Variants in ULK4 observed in about 807,000 individuals in gnomAD.
ULK4 encodes inactive serine/threonine-protein kinase ULK4.
ULK4 carries 133 observed loss-of-function variants against 160.6 expected under a neutral mutation model. The ratio of observed to expected loss-of-function variants is 0.83; its 90% CI spans 0.72 to 0.96. The LOEUF (loss-of-function observed/expected upper bound fraction) is 0.96. Ranked by LOEUF, ULK4 falls within the 40% of genes least tolerant of loss-of-function variation. ULK4 has a pLI of 0.00. For missense variants in ULK4, 1,580 were observed against 1,499.5 expected, an observed-to-expected ratio of 1.05 and a Z score of -0.89; for synonymous variants, 534 against 539.8, an observed-to-expected ratio of 0.99 and a Z score of 0.15.
chr3:41,439,805 T>A (rs1173139143), intron 34 of ULK4, among the ~76,000 whole-genome samples: 1 of 152,182 alleles, frequency 6.6e-6, no homozygotes, highest in Non-Finnish European at 1.5e-5. Flanking sequence ...AGTTTACACA[T>A]CAATTTTGGG....
chr3:41,797,268 TG>T (rs2040328132), intron 20 of ULK4, among the ~76,000 whole-genome samples: 1 of 152,082 alleles, frequency 6.6e-6, no homozygotes, highest in Admixed American at 6.6e-5. Context: ...AGACTGTATA[TG>T]AGCTACAAAA....
intron 32 of ULK4, among the ~76,000 whole-genome samples, chr3:41,560,667 C>A (rs183818551): frequency 6.6e-6 from 1 of 152,234 alleles, no homozygotes; most frequent in Non-Finnish European, 1.5e-5. Context: ...CTCTGTTTGT[C>A]TGTTATTGGT....
chr3:41,690,297 A>T (rs867836072), intron 27 of ULK4, among the ~76,000 whole-genome samples: 30 of 150,978 alleles, frequency 2.0e-4, no homozygotes, highest in African/African-American at 7.3e-4. Flanking sequence ...GTTGTGGGGT[A>T]GGGGGAGTGG....
intron 19 of ULK4, among the ~76,000 whole-genome samples, chr3:41,804,374 G>C (rs1359572970): frequency 6.6e-6 from 1 of 152,078 alleles, no homozygotes; most frequent in Non-Finnish European, 1.5e-5. Flanking sequence ...TGTAGATTCT[G>C]GATATTAGCC....
chr3:41,622,471 C>A (rs2033295510), intron 30 of ULK4, among the ~76,000 whole-genome samples: 1 of 152,136 alleles, frequency 6.6e-6, no homozygotes, highest in Non-Finnish European at 1.5e-5. Context: ...TGGAAACCAT[C>A]ATTCTCAGCA....
At chr3:41,576,463 A>C (rs950153409) in intron 31 of ULK4, among the ~76,000 whole-genome samples, 5 of 152,200 alleles carry the variant, frequency 3.3e-5, no homozygotes, top group Non-Finnish European at 5.9e-5. Flanking sequence ...CCTGGTACAC[A>C]GTGGTCTCTG....
chr3:41,911,739 G>A (rs1698793661), intron 9 of ULK4, 80 bp from the exon 10 acceptor site: 2 of 1,080,080 alleles, frequency 1.9e-6, no homozygotes, highest in Admixed American at 2.0e-5. Context: ...AGAGGTTGGA[G>A]AAGATAATTA....
intron 35 of ULK4, among the ~76,000 whole-genome samples, chr3:41,359,443 G>A (rs1415726758): frequency 1.3e-5 from 2 of 152,254 alleles, no homozygotes; most frequent in Non-Finnish European, 2.9e-5. Flanking sequence ...ACCAGCCACA[G>A]AGATTGAGCT....
intron 32 of ULK4, among the ~76,000 whole-genome samples, chr3:41,503,941 A>G (rs2085295244): frequency 6.6e-6 from 1 of 152,206 alleles, no homozygotes; most frequent in Non-Finnish European, 1.5e-5. Flanking sequence ...CAATGCTTTG[A>G]TTTTAGAAAT....
intron 32 of ULK4, among the ~76,000 whole-genome samples, chr3:41,498,976 T>C (rs973847117): frequency 6.6e-6 from 1 of 152,178 alleles, no homozygotes; most frequent in African/African-American, 2.4e-5. Context: ...AAATACAATA[T>C]AGTACTATTC....
chr3:41,899,525 G>A (rs1310983736), intron 13 of ULK4, among the ~76,000 whole-genome samples: 1 of 152,214 alleles, frequency 6.6e-6, no homozygotes, highest in Non-Finnish European at 1.5e-5. Flanking sequence ...CGTAGCCCAT[G>A]GGCTGCATGC....
At chr3:41,273,618 T>G (rs1476763029) in intron 35 of ULK4, among the ~76,000 whole-genome samples, 1 of 152,184 alleles carries the variant, frequency 6.6e-6, no homozygotes, top group Non-Finnish European at 1.5e-5. Context: ...TCCTCTCTCC[T>G]ATAGTTTAGA....
intron 35 of ULK4, among the ~76,000 whole-genome samples, chr3:41,309,342 T>G (rs994552092): frequency 2.0e-5 from 3 of 152,100 alleles, no homozygotes; most frequent in Admixed American, 6.5e-5. Flanking sequence ...ATATATATTT[T>G]AAGGGATGGG....
chr3:41,684,514 G>A (rs768071420), intron 27 of ULK4, among the ~76,000 whole-genome samples: 1 of 152,156 alleles, frequency 6.6e-6, no homozygotes, highest in Non-Finnish European at 1.5e-5. Flanking sequence ...GAATTCCGAG[G>A]CTCATGTCAG....
chr3:41,949,899 C>T (rs528720111), intron 2 of ULK4, among the ~76,000 whole-genome samples: 6 of 151,516 alleles, frequency 4.0e-5, no homozygotes, highest in African/African-American at 1.5e-4. Flanking sequence ...CTATGCCTGG[C>T]TAATTTTTCT....
At chr3:41,771,026 T>A (rs970343547) in intron 21 of ULK4, among the ~76,000 whole-genome samples, 1 of 152,174 alleles carries the variant, frequency 6.6e-6, no homozygotes, top group Non-Finnish European at 1.5e-5. Context: ...TTTGTAAATA[T>A]TAAGAGAGAA....
chr3:41,934,278 A>C (rs1395962283), intron 4 of ULK4, among the ~76,000 whole-genome samples: 1 of 152,240 alleles, frequency 6.6e-6, no homozygotes, highest in Non-Finnish European at 1.5e-5. Flanking sequence ...AGGCACATAC[A>C]TGATAATTTC....
intron 35 of ULK4, among the ~76,000 whole-genome samples, chr3:41,324,149 G>A (rs2080299095): frequency 6.6e-6 from 1 of 152,176 alleles, no homozygotes; most frequent in Non-Finnish European, 1.5e-5. Context: ...TCACTGAGCA[G>A]GTTCTGAGAC....
chr3:41,365,779 C>T (rs2081242563), intron 35 of ULK4, among the ~76,000 whole-genome samples: 1 of 151,988 alleles, frequency 6.6e-6, no homozygotes, highest in Non-Finnish European at 1.5e-5. Context: ...GAAGCAGCAC[C>T]TTGTAAGAAT....
Sources: gnomAD v4.1 joint callset for allele counts (sites outside exome capture counted in the v4.1 genomes callset) on GRCh38, gnomAD v4.1.1 for gene constraint, MANE v1.5 for transcripts, NCBI Gene and HGNC (gene_info 2026-07-23, HGNC 2026-07-21) for gene names.